Variants in LRRC9 observed in about 807,000 individuals in gnomAD.
The protein encoded by LRRC9 is leucine-rich repeat-containing protein 9.
A neutral mutation model predicts 63.2 loss-of-function variants in LRRC9; 122 were observed. The ratio of observed to expected loss-of-function variants is 1.93; its 90% CI spans 1.67 to 2.24. The LOEUF is 2.24. Among genes scored for constraint, LRRC9 ranks in the 30% most tolerant of loss-of-function variants. LRRC9 has a pLI of 0.00. For synonymous variants in LRRC9, 366 were observed against 213.1 expected (o/e 1.72, Z -6.25); for missense variants, 1,071 against 627.7 (o/e 1.71, Z -7.55).
chr14:60,035,521 G>C (rs149110425), intron 29 of LRRC9, among the ~76,000 whole-genome samples: 3 of 152,134 alleles, frequency 2.0e-5, no homozygotes, highest in Non-Finnish European at 4.4e-5. Flanking sequence ...TTTGTATATA[G>C]TGAGAGACAG....
chr14:59,942,628 T>C lies in LRRC9; in HGVS notation c.727-1961T>C, dbSNP rs1881897707. ...CTGTAATACCAGCTACTCAGGAGGC[T>C]GAGGCAGGAGAATCACTTGAACCCA... is the stretch of plus-strand genomic sequence containing the variant. On this transcript the variant is annotated intron_variant, in intron 7 of 31. Coordinates refer to ENST00000445360, the Ensembl canonical transcript of LRRC9. The surrounding 1 kb of genome is among the most constrained non-coding windows in gnomAD (Gnocchi z 5.3). 6.6e-6 allele frequency among the ~76,000 whole-genome samples: 1 copy of C among 152,162 alleles called. No homozygotes were observed. The highest frequency in any genetic ancestry group is 2.1e-4 in the South Asian group (1 of 4,828).
chr14:60,044,783 T>C (rs529666932), intron 29 of LRRC9, among the ~76,000 whole-genome samples: 4 of 152,358 alleles, frequency 2.6e-5, no homozygotes, highest in African/African-American at 7.2e-5. Flanking sequence ...GAAATGTTTA[T>C]AAATGTCAGT....
At chr14:59,935,389 T>C (rs768722076) in intron 6 of LRRC9, among the ~76,000 whole-genome samples, 1 of 152,136 alleles carries the variant, frequency 6.6e-6, no homozygotes, top group Non-Finnish European at 1.5e-5. Context: ...GCTAGAAAGA[T>C]AAGGATAAGA....
In LRRC9 at chr14:59,930,102, G is replaced by T. The variant is rs184612177; in HGVS notation, c.268-816G>T. 7.2e-5 allele frequency among the ~76,000 whole-genome samples: 11 copies of T among 152,056 alleles called. No homozygotes were observed. The highest frequency in any genetic ancestry group is 1.3e-4 in the Non-Finnish European group (9 of 67,916). ...TCAATAAATAAATAAATTGATTTGT[G>T]CAAAGGAAAAACAGAAATAAGGGAT... On this transcript the variant is annotated intron_variant, in intron 3 of 31. Coordinates refer to ENST00000445360, the Ensembl canonical transcript of LRRC9. This position sits in a 1 kb window ranked among gnomAD's most constrained non-coding sequence, Gnocchi z 4.9.
Position 60,027,882 on chromosome 14 carries a change from A to G in LRRC9, c.3704-2A>G, listed in dbSNP as rs1947992471. The G allele has an allele frequency of 1.4e-6, 1 of 696,770 alleles. No individual in the cohort carries two copies. The highest frequency in any genetic ancestry group is 2.6e-6 in the Non-Finnish European group (1 of 382,248). The allele number at this position is 696,770 out of a possible 1,614,324, so 43.2% of individuals were successfully genotyped here. ...GATATATCATGACTTATCTCTTTTTAGGTAATGAAATCAGCCAAGTTGAAG... is the reference window on the plus strand; with the variant it reads ...GATATATCATGACTTATCTCTTTTTGGGTAATGAAATCAGCCAAGTTGAAG... On this transcript the variant is annotated splice_acceptor_variant, in intron 27 of 31. Transcript: ENST00000445360. LOFTEE classifies it high-confidence loss of function. The surrounding 1 kb of genome is among the most constrained non-coding windows in gnomAD (Gnocchi z 4.0).
In LRRC9 at chr14:59,958,648, G is replaced by A. The variant is rs547193425; in HGVS notation, c.883-1170G>A. Reference sequence around the variant, plus strand: ...GGGGAGTGAAAGGTTCTCTCTCGCTGGGGTTCCAGGTTACCCTGCGGTACG... The same window carrying A: ...GGGGAGTGAAAGGTTCTCTCTCGCTAGGGTTCCAGGTTACCCTGCGGTACG... On this transcript the variant is annotated intron_variant, in intron 8 of 31. Coordinates refer to ENST00000445360, the Ensembl canonical transcript of LRRC9. This position sits in a 1 kb window ranked among gnomAD's most constrained non-coding sequence, Gnocchi z 4.0. Among the ~76,000 whole-genome samples, 10 of 152,298 alleles carry A rather than the reference G, an allele frequency of 6.6e-5. No homozygotes were observed. Among genetic ancestry groups the A allele is most frequent in the African/African-American group, 9.6e-5 (4 of 41,566 alleles).
chr14:59,975,904 C>T (rs1886225795), intron 13 of LRRC9, among the ~76,000 whole-genome samples: 1 of 152,156 alleles, frequency 6.6e-6, no homozygotes, highest in African/African-American at 2.4e-5. Context: ...GGAACCTGGC[C>T]ACACAGCAGG....
chr14:60,019,043 G>A, intron 25 of LRRC9, 78 bp from the exon 26 acceptor site: 1 of 549,470 alleles, frequency 1.8e-6, no homozygotes. Context: ...ATTAAATTAT[G>A]TGGTATATTC....
At chr14:59,928,746 A>T (rs918867997) in intron 3 of LRRC9, among the ~76,000 whole-genome samples, 1 of 152,114 alleles carries the variant, frequency 6.6e-6, no homozygotes, top group Non-Finnish European at 1.5e-5. Context: ...AATGGAACAG[A>T]ATAAAGAACC....
intron 22 of LRRC9, among the ~76,000 whole-genome samples, chr14:60,007,460 T>C (rs1484681848): frequency 6.6e-6 from 1 of 152,180 alleles, no homozygotes; most frequent in East Asian, 1.9e-4. Flanking sequence ...TCTTGTCTAA[T>C]AAAACAGCAC....
At chr14:60,000,482 T>C (rs1313654553) in intron 19 of LRRC9, among the ~76,000 whole-genome samples, 4 of 152,102 alleles carry the variant, frequency 2.6e-5, no homozygotes, top group Admixed American at 6.6e-5. Flanking sequence ...AATCAAATCC[T>C]GCTAAAATCC....
rs1244306880 is a variant in LRRC9 at position 60,060,980 on chromosome 14, A to T, written c.4277-2343A>T. ...CAAGAGAACTAGAAGTGGAGCCTGA[A>T]GATGTGACTGAATTGCTGCAATCTC... is the stretch of plus-strand genomic sequence containing the variant. On this transcript the variant is annotated intron_variant, in intron 31 of 31. Transcript: ENST00000445360. This position sits in a 1 kb window ranked among gnomAD's most constrained non-coding sequence, Gnocchi z 4.0. Among the ~76,000 whole-genome samples, 1 of 152,212 alleles carries T rather than the reference A, an allele frequency of 6.6e-6. No homozygotes were observed. The highest frequency in any genetic ancestry group is 2.4e-5 in the African/African-American group (1 of 41,452).
chr14:59,933,028 G>A (rs1889835055), intron 6 of LRRC9, among the ~76,000 whole-genome samples: 1 of 152,230 alleles, frequency 6.6e-6, no homozygotes, highest in East Asian at 1.9e-4. Flanking sequence ...TCCAGTTTCA[G>A]CCACACTGGT....
rs117554120 is a variant in LRRC9, at chr14:60,059,534, G to A, written c.4276+1512G>A. The stretch of plus-strand genomic sequence containing the variant: ...GAATGCAAAGGAAAAATTCTTGAAG[G>A]AAATTAAAAATGCGACTCCAAGGAA... On this transcript the variant is annotated intron_variant, in intron 31 of 31. Transcript: ENST00000445360. 3.4e-3 allele frequency among the ~76,000 whole-genome samples: 516 copies of A among 152,218 alleles called. 17 individuals are homozygous for A. The East Asian group carries it at 0.058, about 17-fold the overall frequency.
intron 8 of LRRC9, among the ~76,000 whole-genome samples, chr14:59,951,403 A>AT (rs1234590224): frequency 1.0e-5 from 1 of 96,370 alleles, no homozygotes; most frequent in Non-Finnish European, 2.1e-5. Flanking sequence ...ATTCTTCTAA[A>AT]TTTTTTTCAA....
chr14:60,061,886 T>C, intron 31 of LRRC9, 125 bp from the exon 32 acceptor site: 1 of 394,598 alleles, frequency 2.5e-6, no homozygotes, highest in Non-Finnish European at 4.5e-6. Context: ...ATTCACTTTA[T>C]GAAACATGTA....
chr14:60,032,425 T>C (rs1892066637), intron 29 of LRRC9, among the ~76,000 whole-genome samples: 1 of 152,154 alleles, frequency 6.6e-6, no homozygotes, highest in South Asian at 2.1e-4. Flanking sequence ...TCTTTCTCTT[T>C]CTTCACTGCC....
At chr14:59,934,130 T>C (rs1304622781) in intron 6 of LRRC9, among the ~76,000 whole-genome samples, 1 of 151,438 alleles carries the variant, frequency 6.6e-6, no homozygotes. Flanking sequence ...AATTGGAGTG[T>C]TAACAGAAAA....
intron 10 of LRRC9, among the ~76,000 whole-genome samples, chr14:59,961,630 A>G (rs538876742): frequency 2.0e-5 from 3 of 152,260 alleles, no homozygotes; most frequent in Admixed American, 2.0e-4. Flanking sequence ...TTCAGGTCAA[A>G]AGCTTGTATC....
Sources: gnomAD v4.1 joint callset for allele counts (sites outside exome capture counted in the v4.1 genomes callset) on GRCh38, gnomAD v4.1.1 for gene constraint, Gnocchi (gnomAD v3.1) non-coding constraint, MANE v1.5 for transcripts, NCBI Gene and HGNC (gene_info 2026-07-23, HGNC 2026-07-21) for gene names.